SPAG17: variants seen among roughly 807,000 people sequenced by gnomAD.
SPAG17 encodes the protein sperm associated antigen 17.
SPAG17 carries 169 observed loss-of-function variants against 273.6 expected under a neutral mutation model. The observed-to-expected ratio is 0.62, with a 90% CI of 0.55 to 0.70. SPAG17 has a LOEUF of 0.70. Among genes scored for constraint, SPAG17 ranks in the 30% least tolerant of loss-of-function variants. The pLI, the probability that SPAG17 is intolerant of heterozygous loss-of-function variation, is 0.00. For synonymous variants in SPAG17, 825 were observed against 873.2 expected (o/e 0.94, Z 0.97); for missense variants, 2,557 against 2,627.8 (o/e 0.97, Z 0.59).
chr1:117,973,599 T>TTTTATTCAACACA, intron 43 of SPAG17, 38 bp from the exon 44 acceptor site: 1 of 1,587,766 alleles, frequency 6.3e-7, no homozygotes, highest in Non-Finnish European at 8.6e-7. Context: ...CACATGGACA[T>TTTTATTCAACACA]TTTATTCAAA....
At chr1:118,029,978 C>T (rs1648247174) in intron 25 of SPAG17, among the ~76,000 whole-genome samples, 1 of 152,138 alleles carries the variant, frequency 6.6e-6, no homozygotes, top group Admixed American at 6.6e-5. Context: ...AGATGCAAAC[C>T]TGCCACGTCA....
chr1:118,008,208 A>G lies in SPAG17; in HGVS notation c.4433-10T>C. On this transcript the variant is annotated splice_polypyrimidine_tract_variant and intron_variant, in intron 30 of 48. Coordinates refer to ENST00000336338, the MANE Select transcript of SPAG17 (RefSeq NM_206996.4). ...GTCCGAGGACCCTCGGCTACAAGCA[A>G]ATGCAAGGTAAGCAGATCTGATAGG... 1 of 1,613,342 alleles carries G rather than the reference A, an allele frequency of 6.2e-7. No individual in the cohort carries two copies. The highest frequency in any genetic ancestry group is 8.5e-7 in the Non-Finnish European group (1 of 1,179,770).
Position 117,990,866 on chromosome 1 carries a change from G to A in SPAG17, c.5516C>T (p.Thr1839Ile), listed in dbSNP as rs1368402953. The change falls in exon 38 of 49, where the codon ACT becomes ATT. Residue 1839 changes from threonine to isoleucine, a missense_variant. Coordinates refer to ENST00000336338, the MANE Select transcript of SPAG17 (RefSeq NM_206996.4). ...GAATATTAAATGCAACTTACCTTCA[G>A]TAACATGACTTTTTGTAGTTTCCTC... ...KMEETTKSHV[T>I]EVAAHLTDLF... is the part of the protein sequence containing the mutation. 3 of 1,569,258 alleles carry A rather than the reference G, an allele frequency of 1.9e-6. No homozygotes were observed. The highest frequency in any genetic ancestry group is 1.7e-6 in the Non-Finnish European group (2 of 1,151,394).
chr1:118,051,403 G>A (rs1295278090), intron 20 of SPAG17, among the ~76,000 whole-genome samples: 1 of 151,876 alleles, frequency 6.6e-6, no homozygotes, highest in Non-Finnish European at 1.5e-5. Context: ...TATATCTAAA[G>A]GATTTGAAAT....
Position 118,151,303 on chromosome 1 carries a change from C to G in SPAG17, c.154G>C (p.Ala52Pro). Residue 52 changes from alanine (A) to proline (P), a missense_variant, in exon 2 of 49, where the codon GCC becomes CCC. Coordinates refer to ENST00000336338, the MANE Select transcript of SPAG17 (RefSeq NM_206996.4). Reference sequence around the variant, plus strand: ...GGGACCTGGACAGCCACGGTAAGGGCTTGGATGAGAAGATCATCTTCAATC... The same window carrying G: ...GGGACCTGGACAGCCACGGTAAGGGGTTGGATGAGAAGATCATCTTCAATC... ...NQIEDDLLIQ[A>P]LTVAVQVPQR... The G allele has an allele frequency of 6.2e-7, 1 of 1,613,506 alleles. No homozygotes were observed. Among genetic ancestry groups the G allele is most frequent in the African/African-American group, 1.3e-5 (1 of 75,034 alleles).
In SPAG17 at chr1:118,142,127, C is replaced by G. The variant is rs927644276; in HGVS notation, c.315+8416G>C. ...ATGCATAAGATAAATGTGGTATATA[C>G]ATATTGGAATATTATTCAGCTTTAA... On this transcript the variant is annotated intron_variant, in intron 3 of 48. Coordinates refer to ENST00000336338, the MANE Select transcript of SPAG17 (RefSeq NM_206996.4). Among the ~76,000 whole-genome samples the G allele has an allele frequency of 2.6e-5, 4 of 152,154 alleles. No individual in the cohort carries two copies. In the East Asian group the frequency reaches 7.7e-4, roughly 29 times the overall value.
chr1:117,992,358 C>T, intron 36 of SPAG17, 108 bp downstream of exon 36: 1 of 1,096,086 alleles, frequency 9.1e-7, no homozygotes, highest in East Asian at 2.5e-5. Flanking sequence ...TTGTGTTGCA[C>T]TAGACAAATA....
chr1:118,022,802 A>C (rs560249521), intron 28 of SPAG17, among the ~76,000 whole-genome samples: 1 of 152,318 alleles, frequency 6.6e-6, no homozygotes, highest in Admixed American at 6.5e-5. Context: ...ACATAAAGAC[A>C]GGTCTGCTGG....
At chr1:118,015,060 C>A (rs1278329575) in intron 29 of SPAG17, among the ~76,000 whole-genome samples, 1 of 151,392 alleles carries the variant, frequency 6.6e-6, no homozygotes, top group East Asian at 1.9e-4. Context: ...TGAGGCGGGC[C>A]GATCACCTGA....
intron 3 of SPAG17, among the ~76,000 whole-genome samples, chr1:118,133,634 C>G (rs1658178256): frequency 1.3e-5 from 2 of 152,170 alleles, no homozygotes. Flanking sequence ...TGGGATCACT[C>G]TCCCTGCTCC....
Position 118,005,549 on chromosome 1 carries a change from C to A in SPAG17, c.4641G>T (p.Val1547=). ...TATTACTGCTTGACTCATGGCAGTA[C>A]ACAGCTGAACAATCCTTGTCAATAT... ...SLYIDKDCSA[V]YCHESSSNIY... is the part of the protein sequence containing the mutation. Residue 1547 remains valine (V), a synonymous_variant, in exon 32 of 49, where the codon GTG becomes GTT. Coordinates refer to ENST00000336338, the MANE Select transcript of SPAG17 (RefSeq NM_206996.4). The A allele has an allele frequency of 6.2e-7, 1 of 1,601,036 alleles. No homozygotes were observed. The highest frequency in any genetic ancestry group is 8.5e-7 in the Non-Finnish European group (1 of 1,173,938).
intron 1 of SPAG17, 53 bp downstream of exon 1, chr1:118,185,018 C>A: frequency 6.6e-7 from 1 of 1,507,854 alleles, no homozygotes; most frequent in Non-Finnish European, 9.2e-7. Flanking sequence ...AGGGTCTGGC[C>A]GGGCCTCTGG....
chr1:118,063,161 A>G (rs1652534462), intron 18 of SPAG17, among the ~76,000 whole-genome samples: 1 of 152,236 alleles, frequency 6.6e-6, no homozygotes, highest in African/African-American at 2.4e-5. Context: ...CATACTGCCC[A>G]AGGTAATTTA....
chr1:118,012,462 C>T (rs1327352973), intron 29 of SPAG17, 90 bp from the exon 30 acceptor site: 4 of 1,394,092 alleles, frequency 2.9e-6, no homozygotes, highest in African/African-American at 2.9e-5. Context: ...AAGATGGCAC[C>T]ATCAAAGTCC....
intron 42 of SPAG17, among the ~76,000 whole-genome samples, chr1:117,981,922 C>G (rs1239538591): frequency 6.6e-6 from 1 of 152,136 alleles, no homozygotes; most frequent in East Asian, 1.9e-4. Flanking sequence ...TGTGTGTGTG[C>G]CAACCCTGGT....
chr1:118,083,836 T>C (rs1259833801), intron 13 of SPAG17, among the ~76,000 whole-genome samples: 2 of 152,070 alleles, frequency 1.3e-5, no homozygotes, highest in South Asian at 2.1e-4. Flanking sequence ...AGGTTTTCGA[T>C]AGAAAGTAGT....
chr1:118,025,345 G>T lies in SPAG17; in HGVS notation c.3802C>A (p.His1268Asn), dbSNP rs769212293. ...VRQSYPQRVK[H>N]YEFYKTVMPP... ...ATCACCGTTTTATAGAACTCATAGT[G>T]CTTCACCCTCTGGGGGTAGCTCTGA... The change falls in exon 27 of 49, where the codon CAC becomes AAC. Residue 1268 changes from histidine (H) to asparagine (N), a missense_variant. Coordinates refer to ENST00000336338, the MANE Select transcript of SPAG17 (RefSeq NM_206996.4). 6.2e-7 allele frequency: 1 copy of T among 1,613,242 alleles called. No homozygotes were observed. The highest frequency in any genetic ancestry group is 2.2e-5 in the East Asian group (1 of 44,856).
At chr1:117,955,207 T>C in intron 48 of SPAG17, 1 of 901,182 alleles carries the variant, frequency 1.1e-6, no homozygotes, top group Non-Finnish European at 1.7e-6. Context: ...AGAATACTTT[T>C]TCTGAAGTAA....
chr1:117,960,233 C>A (rs540543637), intron 48 of SPAG17: 1 of 151,816 alleles, frequency 6.6e-6, no homozygotes, highest in East Asian at 1.9e-4. Flanking sequence ...CCCTACGCCC[C>A]GCACAGTCAA....
Sources: allele counts gnomAD v4.1 joint callset (sites outside exome capture counted in the v4.1 genomes callset), GRCh38; gene constraint gnomAD v4.1.1; transcripts MANE v1.5; gene names NCBI Gene and HGNC (gene_info 2026-07-23, HGNC 2026-07-21).